Variants in CNTNAP5 observed in about 807,000 individuals in gnomAD.
CNTNAP5 encodes contactin-associated protein-like 5.
CNTNAP5 carries 72 observed loss-of-function variants against 150.2 expected under a neutral mutation model. The ratio of observed to expected loss-of-function variants is 0.48; its 90% CI spans 0.40 to 0.58. The LOEUF (loss-of-function observed/expected upper bound fraction) is 0.58. Ranked by LOEUF, CNTNAP5 falls within the 20% of genes least tolerant of loss-of-function variation. The pLI is 0.00. For synonymous variants in CNTNAP5, 672 were observed against 619.8 expected, an observed-to-expected ratio of 1.08 and a Z score of -1.25; for missense variants, 1,636 against 1,626.2, an observed-to-expected ratio of 1.01 and a Z score of -0.10.
At chr2:124,328,782 T>A (rs967135374) in intron 3 of CNTNAP5, among the ~76,000 whole-genome samples, 12 of 152,126 alleles carry the variant, frequency 7.9e-5, no homozygotes, top group Non-Finnish European at 1.5e-4. Flanking sequence ...TTTATCCTGA[T>A]CAGGTGAAAA....
intron 6 of CNTNAP5, among the ~76,000 whole-genome samples, chr2:124,459,198 T>C (rs1693191069): frequency 1.3e-5 from 2 of 152,208 alleles, no homozygotes; most frequent in Non-Finnish European, 2.9e-5. Flanking sequence ...CTCACGGTGC[T>C]CCTTGCAGGT....
rs144847664 is a variant in CNTNAP5, at chr2:124,274,527, G to A, written c.381+32134G>A. On this transcript the variant is annotated intron_variant, in intron 3 of 23. Transcript: ENST00000682447. ...TTCCGCTGGCCAGGGAATGGAGAAG[G>A]CACTCTCTTGCTCTAAATGCACCTC... Among the ~76,000 whole-genome samples, 133 of 152,192 alleles carry A rather than the reference G, an allele frequency of 8.7e-4. 1 individual carries two copies. Among genetic ancestry groups the A allele is most frequent in the African/African-American group, 3.0e-3 (124 of 41,522 alleles).
At chr2:124,778,875 T>C (rs1217486857) in intron 17 of CNTNAP5, among the ~76,000 whole-genome samples, 2 of 151,988 alleles carry the variant, frequency 1.3e-5, no homozygotes, top group Non-Finnish European at 2.9e-5. Context: ...CTTCTGAACC[T>C]GGAAGAAAGG....
intron 13 of CNTNAP5, among the ~76,000 whole-genome samples, chr2:124,715,181 C>A (rs1024201832): frequency 3.3e-5 from 5 of 152,132 alleles, no homozygotes; most frequent in Admixed American, 2.6e-4. Context: ...GGGCACCAAG[C>A]CTTCTGCTTC....
intron 19 of CNTNAP5, among the ~76,000 whole-genome samples, chr2:124,809,761 T>G (rs1421303037): frequency 2.6e-5 from 4 of 152,180 alleles, no homozygotes. Flanking sequence ...CAAAATGTAA[T>G]GTCCAATATC....
intron 19 of CNTNAP5, among the ~76,000 whole-genome samples, chr2:124,800,733 G>A (rs2104645185): frequency 6.6e-6 from 1 of 152,280 alleles, no homozygotes; most frequent in East Asian, 1.9e-4. Context: ...ATAGGCATCT[G>A]CATGTTTTAA....
chr2:124,192,465 A>G (rs1685482398), intron 1 of CNTNAP5, among the ~76,000 whole-genome samples: 1 of 152,024 alleles, frequency 6.6e-6, no homozygotes, highest in Admixed American at 6.6e-5. Context: ...TGCCCTGAGG[A>G]CAGTATCTTA....
At chr2:124,119,197 C>T (rs1250114840) in intron 1 of CNTNAP5, among the ~76,000 whole-genome samples, 2 of 152,078 alleles carry the variant, frequency 1.3e-5, no homozygotes, top group Non-Finnish European at 2.9e-5. Flanking sequence ...TCCCCACTCA[C>T]TCTCATCGCG....
At position 124,276,003 on chromosome 2, in the gene CNTNAP5, TTTTC is replaced by T. The variant is rs578185624; in HGVS notation, c.381+33614_381+33617del. 1.1e-4 allele frequency among the ~76,000 whole-genome samples: 17 copies of T among 152,254 alleles called. No individual in the cohort carries two copies. The East Asian group carries it at 2.9e-3, about 26-fold the overall frequency. On this transcript the variant is annotated intron_variant, in intron 3 of 23. Coordinates refer to ENST00000682447, the MANE Select transcript of CNTNAP5 (RefSeq NM_001367498.1). ...CAAGTGAAAGGGTTTTTTGTTGTTGTTTTCTTTATTTGTTTGTTTTTTTCCCTTA... is the reference window on the plus strand; with the variant it reads ...CAAGTGAAAGGGTTTTTTGTTGTTGTTTTATTTGTTTGTTTTTTTCCCTTA...
chr2:124,882,566 C>T lies in CNTNAP5; in HGVS notation c.3436+12804C>T, dbSNP rs921092832. ...TTTTGGGTGGAAGGCCAGATCTTCT[C>T]TATGAAGGATGACACACTCTGTCTA... On this transcript the variant is annotated intron_variant, in intron 21 of 23. Coordinates refer to ENST00000682447, the MANE Select transcript of CNTNAP5 (RefSeq NM_001367498.1). Among the ~76,000 whole-genome samples the T allele has an allele frequency of 7.9e-5, 12 of 152,094 alleles. 1 individual carries two copies. The highest frequency in any genetic ancestry group is 2.4e-4 in the African/African-American group (10 of 41,412).
chr2:124,415,215 A>G (rs1330478613), intron 3 of CNTNAP5, among the ~76,000 whole-genome samples: 1 of 152,158 alleles, frequency 6.6e-6, no homozygotes, highest in East Asian at 1.9e-4. Flanking sequence ...TCAAAGTTTG[A>G]CAAACCTGGG....
At chr2:124,794,557 A>C (rs1681804897) in intron 18 of CNTNAP5, among the ~76,000 whole-genome samples, 1 of 152,250 alleles carries the variant, frequency 6.6e-6, no homozygotes, top group African/African-American at 2.4e-5. Context: ...AAAAGTATGT[A>C]CATTTGGGTG....
At chr2:124,058,667 C>G (rs1268162645) in intron 1 of CNTNAP5, among the ~76,000 whole-genome samples, 1 of 152,118 alleles carries the variant, frequency 6.6e-6, no homozygotes, top group Non-Finnish European at 1.5e-5. Flanking sequence ...CTTCCTAACA[C>G]TTGAAAAAAA....
chr2:124,456,625 A>G (rs1316524260), intron 6 of CNTNAP5, among the ~76,000 whole-genome samples: 1 of 152,212 alleles, frequency 6.6e-6, no homozygotes, highest in Non-Finnish European at 1.5e-5. Flanking sequence ...AGACTAAGCA[A>G]AAAACAAATC....
At chr2:124,385,545 T>A (rs1301415270) in intron 3 of CNTNAP5, among the ~76,000 whole-genome samples, 1 of 152,216 alleles carries the variant, frequency 6.6e-6, no homozygotes, top group Non-Finnish European at 1.5e-5. Context: ...ATCCATATCT[T>A]CCTTTTTTAT....
At chr2:124,602,209 G>T (rs981432109) in intron 11 of CNTNAP5, among the ~76,000 whole-genome samples, 5 of 151,814 alleles carry the variant, frequency 3.3e-5, no homozygotes, top group Admixed American at 1.3e-4. Flanking sequence ...GGGCATAGTG[G>T]CATGTGCCTG....
In CNTNAP5 at chr2:124,533,802, C is replaced by G. The variant is rs557083813; in HGVS notation, c.1649+6346C>G. 4.1e-4 allele frequency among the ~76,000 whole-genome samples: 62 copies of G among 152,298 alleles called. No homozygotes were observed. In the Middle Eastern group the frequency reaches 0.014, roughly 33 times the overall value. ...AATGATCAGATCCTCTGGCACGCCT[C>G]AGTGAGGAGTATTTCGGCTGGAGGA... On this transcript the variant is annotated intron_variant, in intron 10 of 23. Coordinates refer to ENST00000682447, the MANE Select transcript of CNTNAP5 (RefSeq NM_001367498.1).
At chr2:124,802,703 C>T (rs1432351280) in intron 19 of CNTNAP5, among the ~76,000 whole-genome samples, 2 of 152,154 alleles carry the variant, frequency 1.3e-5, no homozygotes, top group South Asian at 2.1e-4. Flanking sequence ...GCCTTCTCCA[C>T]AGTAGTGGGG....
chr2:124,707,100 G>GGA (rs1679689147), intron 13 of CNTNAP5, among the ~76,000 whole-genome samples: 10 of 92,442 alleles, frequency 1.1e-4, no homozygotes, highest in African/African-American at 4.4e-4. Context: ...AAGAAGAAGA[G>GGA]GAAGAAGAAG....
Sources: gnomAD v4.1 joint callset for allele counts (sites outside exome capture counted in the v4.1 genomes callset) on GRCh38, gnomAD v4.1.1 for gene constraint, MANE v1.5 for transcripts, NCBI Gene and HGNC (gene_info 2026-07-23, HGNC 2026-07-21) for gene names.